The following ZNF609 variants were observed in gnomAD, a reference collection of about 807,000 sequenced individuals.
The protein encoded by ZNF609 is zinc finger protein 609.
A neutral mutation model predicts 109.5 loss-of-function variants in ZNF609; 11 were observed. The observed-to-expected ratio is 0.10, with a 90% CI of 0.06 to 0.17. The LOEUF is 0.17. Ranked by LOEUF, ZNF609 falls within the 10% of genes least tolerant of loss-of-function variation. ZNF609 has a pLI of 1.00. For synonymous variants in ZNF609, 646 were observed against 662.0 expected, an observed-to-expected ratio of 0.98 and a Z score of 0.37; for missense variants, 1,559 against 1,772.4, an observed-to-expected ratio of 0.88 and a Z score of 2.16.
intron 3 of ZNF609, among the ~76,000 whole-genome samples, chr15:64,661,497 AG>A (rs1422319126): frequency 5.3e-5 from 8 of 152,336 alleles, no homozygotes; most frequent in African/African-American, 1.9e-4. Flanking sequence ...GTATCCAGTT[AG>A]GGTATAGTTG....
intron 3 of ZNF609, among the ~76,000 whole-genome samples, chr15:64,669,092 A>G (rs1354803542): frequency 1.3e-5 from 2 of 152,040 alleles, no homozygotes; most frequent in Non-Finnish European, 2.9e-5. Context: ...AGAGGTATTC[A>G]TGGGCTACTA....
At chr15:64,515,903 A>G (rs1375603222) in intron 2 of ZNF609, among the ~76,000 whole-genome samples, 2 of 149,942 alleles carry the variant, frequency 1.3e-5, no homozygotes, top group Non-Finnish European at 3.0e-5. Flanking sequence ...GCGCCATTGC[A>G]CTCCAGCTTG....
intron 2 of ZNF609, among the ~76,000 whole-genome samples, chr15:64,508,636 C>T (rs1158794081): frequency 6.6e-6 from 1 of 151,758 alleles, no homozygotes; most frequent in Non-Finnish European, 1.5e-5. Flanking sequence ...GATCTCAGAC[C>T]TCCTCCCAGT....
intron 3 of ZNF609, among the ~76,000 whole-genome samples, chr15:64,657,274 AT>A (rs1896504109): frequency 6.6e-6 from 1 of 150,422 alleles, no homozygotes; most frequent in African/African-American, 2.5e-5. Context: ...AAAAAAAAAA[AT>A]TATAAAAAAT....
At chr15:64,633,362 G>C (rs1896115993) in intron 3 of ZNF609, among the ~76,000 whole-genome samples, 1 of 152,132 alleles carries the variant, frequency 6.6e-6, no homozygotes, top group Admixed American at 6.5e-5. Flanking sequence ...GCTCAGGCTG[G>C]TCTCAAGCTC....
Position 64,500,101 on chromosome 15 carries a change from A to G in ZNF609, c.682A>G (p.Thr228Ala). 6.2e-7 allele frequency: 1 copy of G among 1,614,080 alleles called. No homozygotes were observed. Among genetic ancestry groups the G allele is most frequent in the Non-Finnish European group, 8.5e-7 (1 of 1,180,026 alleles). The change falls in exon 2 of 10, where the codon ACT (threonine) becomes GCT (alanine). Residue 228 changes from threonine (T) to alanine (A), a missense_variant. Transcript: ENST00000326648. ...TGGGGCAGCGCTCAATCCTTTGGGA[A>G]CTAAACCGGAGCCAGAGGAAGGGGA... ...EPGAALNPLG[T>A]KPEPEEGENE...
chr15:64,591,033 T>G (rs1164701553), intron 2 of ZNF609, among the ~76,000 whole-genome samples: 1 of 152,114 alleles, frequency 6.6e-6, no homozygotes, highest in Admixed American at 6.6e-5. Flanking sequence ...TTGAGTAGTA[T>G]GTATCGAAAA....
At chr15:64,645,865 A>C (rs938306583) in intron 3 of ZNF609, among the ~76,000 whole-genome samples, 1 of 152,236 alleles carries the variant, frequency 6.6e-6, no homozygotes, top group Non-Finnish European at 1.5e-5. Context: ...GGTTGTTATC[A>C]AAAATGTGGA....
intron 2 of ZNF609, among the ~76,000 whole-genome samples, chr15:64,515,895 G>T (rs201927205): frequency 6.7e-6 from 1 of 149,016 alleles, no homozygotes; most frequent in Non-Finnish European, 1.5e-5. Context: ...CTGAGATCGC[G>T]CCATTGCACT....
chr15:64,571,557 G>A (rs556635972), intron 2 of ZNF609, among the ~76,000 whole-genome samples: 6 of 152,076 alleles, frequency 3.9e-5, no homozygotes, highest in East Asian at 1.9e-4. Context: ...CACAGCAACC[G>A]TATAAGTTAA....
intron 1 of ZNF609, among the ~76,000 whole-genome samples, chr15:64,469,423 T>A (rs1893062546): frequency 3.3e-5 from 3 of 90,188 alleles, no homozygotes. Context: ...CAAGACCCTA[T>A]TTCCAAAAAA....
At position 64,499,300 on chromosome 15, in the gene ZNF609, G is replaced by A; in HGVS notation, c.-120G>A. The A allele has an allele frequency of 7.6e-7, 1 of 1,318,612 alleles. No homozygotes were observed. The highest frequency in any genetic ancestry group is 1.0e-6 in the Non-Finnish European group (1 of 964,910). The allele number at this position is 1,318,612 out of a possible 1,614,324, so 81.7% of individuals were successfully genotyped here. On this transcript the variant is annotated 5_prime_UTR_variant, in exon 2 of 10. It removes an upstream start codon present in the reference 5' UTR. Coordinates refer to ENST00000326648, the MANE Select transcript of ZNF609 (RefSeq NM_015042.2). ...TAAATTTTCTTTTTCCAGCAATGAT[G>A]TTGTCCACTGGGCATGTACTGACCA...
chr15:64,547,300 CAGTG>C, intron 2 of ZNF609, among the ~76,000 whole-genome samples: 1 of 152,194 alleles, frequency 6.6e-6, no homozygotes, highest in South Asian at 2.1e-4. Context: ...CAACTTTAGA[CAGTG>C]AGAATAAGAT....
At chr15:64,681,469 T>C (rs1356174355) in intron 9 of ZNF609, 82 bp downstream of exon 9, 10 of 1,193,878 alleles carry the variant, frequency 8.4e-6, no homozygotes, top group Admixed American at 5.2e-5. Flanking sequence ...AGGTGAGAAA[T>C]AGCTATGAGG....
chr15:64,497,850 G>A (rs1893506233), intron 1 of ZNF609, among the ~76,000 whole-genome samples: 2 of 151,442 alleles, frequency 1.3e-5, no homozygotes, highest in African/African-American at 2.4e-5. Context: ...GCAGTGAGCC[G>A]AGATCACGCC....
intron 2 of ZNF609, among the ~76,000 whole-genome samples, chr15:64,515,113 C>T (rs569893471): frequency 1.3e-5 from 2 of 152,094 alleles, no homozygotes; most frequent in Non-Finnish European, 2.9e-5. Context: ...AAAAAGCAGT[C>T]GTTTTCATAT....
chr15:64,664,735 C>T (rs1039713855), intron 3 of ZNF609, among the ~76,000 whole-genome samples: 2 of 152,146 alleles, frequency 1.3e-5, no homozygotes, highest in African/African-American at 4.8e-5. Context: ...TTTGTCTTTC[C>T]ATATCATAAT....
At position 64,493,528 on chromosome 15, in the gene ZNF609, T is replaced by C. The variant is rs28489662; in HGVS notation, c.-127-5765T>C. 3.8e-3 allele frequency among the ~76,000 whole-genome samples: 581 copies of C among 152,318 alleles called. 6 individuals are homozygous for C. Among genetic ancestry groups the C allele is most frequent in the African/African-American group, 0.013 (558 of 41,560 alleles). ...GGAAAGTGATTGTCATGACCTATCT[T>C]GGTCCCTTAAACATATCCATGTAGC... On this transcript the variant is annotated intron_variant, in intron 1 of 9. Coordinates refer to ENST00000326648, the MANE Select transcript of ZNF609 (RefSeq NM_015042.2).
intron 1 of ZNF609, among the ~76,000 whole-genome samples, chr15:64,485,567 T>C (rs1452501178): frequency 6.6e-6 from 1 of 151,704 alleles, no homozygotes; most frequent in East Asian, 1.9e-4. Context: ...CTTTGGGAGG[T>C]TGAGGTGGGA....
Sources: allele counts gnomAD v4.1 joint callset (sites outside exome capture counted in the v4.1 genomes callset), GRCh38; gene constraint gnomAD v4.1.1; transcripts MANE v1.5; gene names NCBI Gene and HGNC (gene_info 2026-07-23, HGNC 2026-07-21).